Variants in NCF2 observed in about 807,000 individuals in gnomAD.
NCF2 encodes the protein neutrophil cytosol factor 2.
NCF2 carries 45 observed loss-of-function variants against 70.9 expected under a neutral mutation model. The observed-to-expected ratio is 0.63, with a 90% CI of 0.50 to 0.81. The LOEUF (loss-of-function observed/expected upper bound fraction) is 0.81, where lower values mean the gene tolerates loss of function less well. Ranked by LOEUF, NCF2 falls within the 40% of genes least tolerant of loss-of-function variation. NCF2 has a pLI of 0.00. For synonymous variants in NCF2, 203 were observed against 233.6 expected, an observed-to-expected ratio of 0.87 and a Z score of 1.19; for missense variants, 522 against 631.6, an observed-to-expected ratio of 0.83 and a Z score of 1.86.
chr1:183,601,483 T>G, the NCF2 span, among the ~76,000 whole-genome samples: 1 of 152,214 alleles, frequency 6.6e-6, no homozygotes, highest in Non-Finnish European at 1.5e-5. Context: ...TATTCTAATG[T>G]GCATTTTTTT....
intron 8 of NCF2, 106 bp from the exon 9 acceptor site, chr1:183,567,094 C>G (rs1174090178): frequency 6.2e-7 from 1 of 1,607,354 alleles, no homozygotes; most frequent in Admixed American, 1.7e-5. Flanking sequence ...GACGAACAGA[C>G]AAAAGAACTT....
the NCF2 span, among the ~76,000 whole-genome samples, chr1:183,599,478 C>CTTTCTT: frequency 4.8e-5 from 6 of 125,366 alleles, no homozygotes; most frequent in South Asian, 2.6e-4. Context: ...TTCTTTCTTT[C>CTTTCTT]TTTCTCTTTT....
chr1:183,599,474 C>CTTTCTTTCTT, the NCF2 span, among the ~76,000 whole-genome samples: 1 of 136,966 alleles, frequency 7.3e-6, no homozygotes, highest in African/African-American at 2.9e-5. Flanking sequence ...TTCTTTCTTT[C>CTTTCTTTCTT]TTTCTTTCTC....
intron 2 of NCF2, among the ~76,000 whole-genome samples, chr1:183,580,418 A>G (rs910094295): frequency 6.6e-6 from 1 of 152,228 alleles, no homozygotes; most frequent in Non-Finnish European, 1.5e-5. Flanking sequence ...AGCCTCTTCC[A>G]TCGCGAAGAG....
intron 9 of NCF2, among the ~76,000 whole-genome samples, chr1:183,566,375 A>G (rs1267450871): frequency 6.6e-6 from 1 of 152,014 alleles, no homozygotes; most frequent in Non-Finnish European, 1.5e-5. Context: ...GGCAAGGCCC[A>G]CTCTGATTCA....
chr1:183,568,094 T>C (rs576038948), intron 7 of NCF2, among the ~76,000 whole-genome samples: 2 of 152,020 alleles, frequency 1.3e-5, no homozygotes, highest in South Asian at 4.2e-4. Flanking sequence ...TACAGGCCCT[T>C]CCAGCTGACA....
chr1:183,556,540 C>G (rs1337570691), intron 14 of NCF2, among the ~76,000 whole-genome samples: 1 of 152,094 alleles, frequency 6.6e-6, no homozygotes, highest in Non-Finnish European at 1.5e-5. Flanking sequence ...TGTCCTTTCC[C>G]CACCCCCAAC....
the NCF2 span, among the ~76,000 whole-genome samples, chr1:183,599,504 C>A: frequency 9.2e-6 from 1 of 108,620 alleles, no homozygotes; most frequent in East Asian, 2.5e-4. Context: ...TTTCTCTTTT[C>A]TTCCTTCCTT....
chr1:183,589,179 G>A (rs985294430), intron 1 of NCF2, among the ~76,000 whole-genome samples: 3 of 152,164 alleles, frequency 2.0e-5, no homozygotes, highest in African/African-American at 7.2e-5. Flanking sequence ...ACCTACTGTT[G>A]GAGTGTGGAA....
Position 183,555,973 on chromosome 1 carries a change from C to T in NCF2, c.*145G>A. 1 of 744,282 alleles carries T rather than the reference C, an allele frequency of 1.3e-6. No homozygotes were observed. The highest frequency in any genetic ancestry group is 1.5e-5 in the South Asian group (1 of 65,050). 46.1% of individuals were successfully genotyped at this position (744,282 alleles called of 1,614,324 possible). A position where few individuals can be genotyped will look rare whatever the true frequency, so the allele number is the denominator to read the frequency against. On this transcript the variant is annotated 3_prime_UTR_variant, in exon 15 of 15. Transcript: ENST00000367535. ...TCATCCTGGGTACTCACATCATTGT[C>T]TAGTAGGTTAAATTTTAACAGGGAA...
chr1:183,571,382 G>C (rs1672557311), intron 5 of NCF2, among the ~76,000 whole-genome samples: 1 of 152,126 alleles, frequency 6.6e-6, no homozygotes, highest in Non-Finnish European at 1.5e-5. Flanking sequence ...CTCCCAAAGT[G>C]CTGGGATTAT....
intron 2 of NCF2, among the ~76,000 whole-genome samples, chr1:183,580,661 T>C (rs1208001183): frequency 6.6e-6 from 1 of 152,104 alleles, no homozygotes; most frequent in African/African-American, 2.4e-5. Flanking sequence ...AAAATCCTCC[T>C]AATAATTCCC....
At position 183,563,210 on chromosome 1, in the gene NCF2, CCA is replaced by C; in HGVS notation, c.1273_1274del (p.Trp425ValfsTer2). ...GQVKNYCLTL[W>X]CENTVGDQGF... ...TTGCACTCACCACTGTGTTCTCACA[CCA>C]CAGAGTCAGGCAGTAGTTTTTCACC... On this transcript the variant is annotated frameshift_variant, in exon 13 of 15. Transcript: ENST00000367535. LOFTEE classifies it high-confidence loss of function. 6.2e-7 allele frequency: 1 copy of C among 1,614,126 alleles called. No individual in the cohort carries two copies. Among genetic ancestry groups the C allele is most frequent in the East Asian group, 2.2e-5 (1 of 44,884 alleles).
chr1:183,586,292 C>T (rs891565142), intron 2 of NCF2, among the ~76,000 whole-genome samples: 1 of 152,234 alleles, frequency 6.6e-6, no homozygotes, highest in Non-Finnish European at 1.5e-5. Context: ...TGAGATCGAG[C>T]CCTTGCACTC....
intron 11 of NCF2, 149 bp from the exon 12 acceptor site, chr1:183,563,734 AG>A (rs1319614227): frequency 1.0e-6 from 1 of 955,618 alleles, no homozygotes; most frequent in African/African-American, 1.6e-5. Flanking sequence ...GTAGCCTAAA[AG>A]GCCTTCAGAG....
chr1:183,559,834 G>C (rs1671960838), intron 14 of NCF2, among the ~76,000 whole-genome samples: 1 of 152,166 alleles, frequency 6.6e-6, no homozygotes, highest in Admixed American at 6.5e-5. Flanking sequence ...ACTCCAGCCT[G>C]GGCAACAGAG....
intron 2 of NCF2, among the ~76,000 whole-genome samples, chr1:183,583,605 A>G (rs1673210878): frequency 6.6e-6 from 1 of 152,250 alleles, no homozygotes; most frequent in South Asian, 2.1e-4. Context: ...AAGCATGAGT[A>G]AGTAAAGATT....
chr1:183,593,276 A>G (rs1054578966), upstream of NCF2, among the ~76,000 whole-genome samples: 34 of 152,298 alleles, frequency 2.2e-4, no homozygotes, highest in Admixed American at 1.9e-3. Context: ...CCAAGCCACT[A>G]TCAACTCCCA....
intron 2 of NCF2, among the ~76,000 whole-genome samples, chr1:183,578,920 G>A (rs1057258168): frequency 1.3e-5 from 2 of 152,218 alleles, no homozygotes; most frequent in Non-Finnish European, 2.9e-5. Context: ...TAGGGGGTGG[G>A]AGCAGCAGGC....
Sources: allele counts gnomAD v4.1 joint callset (sites outside exome capture counted in the v4.1 genomes callset), GRCh38; gene constraint gnomAD v4.1.1; transcripts MANE v1.5; gene names NCBI Gene and HGNC (gene_info 2026-07-23, HGNC 2026-07-21).